NUP210: variants seen among roughly 807,000 people sequenced by gnomAD.
The protein encoded by NUP210 is nucleoporin 210, also known as nuclear pore membrane glycoprotein 210.
A neutral mutation model predicts 196.0 loss-of-function variants in NUP210; 151 were observed. The observed-to-expected ratio is 0.77, with a 90% CI of 0.67 to 0.88. The LOEUF is 0.88. Among genes scored for constraint, NUP210 ranks in the 40% least tolerant of loss-of-function variants. NUP210 has a pLI of 0.00. For synonymous variants in NUP210, 1,070 were observed against 1,052.7 expected (o/e 1.02, Z -0.32); for missense variants, 2,314 against 2,493.7 (o/e 0.93, Z 1.53).
Position 13,321,762 on chromosome 3 carries a change from T to A in NUP210, c.4989A>T (p.Thr1663=). 1 of 1,613,362 alleles carries A rather than the reference T, an allele frequency of 6.2e-7. No individual in the cohort carries two copies. Among genetic ancestry groups the A allele is most frequent in the Non-Finnish European group, 8.5e-7 (1 of 1,180,016 alleles). Residue 1663 remains threonine (T), a synonymous_variant, in exon 36 of 40, where the codon ACA becomes ACT. Transcript: ENST00000254508. ...KQRKHLSMKK[T]ALVVSASLSS... ...AGAGGGAGGCACTGACCACCAGAGCTGTCTTCTTCATGCTCAGGTGCTTCC... is the reference window on the plus strand; with the variant it reads ...AGAGGGAGGCACTGACCACCAGAGCAGTCTTCTTCATGCTCAGGTGCTTCC...
In NUP210 at chr3:13,325,855, C is replaced by G. The variant is rs1696729537; in HGVS notation, c.4584G>C (p.Arg1528=). 1 of 1,614,010 alleles carries G rather than the reference C, an allele frequency of 6.2e-7. No homozygotes were observed. The highest frequency in any genetic ancestry group is 1.3e-5 in the African/African-American group (1 of 75,074). Residue 1528 remains arginine, a synonymous_variant, in exon 33 of 40, where the codon CGG becomes CGC. Coordinates refer to ENST00000254508, the MANE Select transcript of NUP210 (RefSeq NM_024923.4). ...IDPKTGVAVA[R]AVGSVTVYYE... is the part of the protein sequence containing the mutation. ...AGTAAACCGTCACGGATCCCACGGCCCGGGCCACAGCCACACCCGTCTTGG... is the reference window on the plus strand; with the variant it reads ...AGTAAACCGTCACGGATCCCACGGCGCGGGCCACAGCCACACCCGTCTTGG...
intron 33 of NUP210, among the ~76,000 whole-genome samples, chr3:13,325,253 G>T (rs1342940467): frequency 1.3e-5 from 2 of 152,168 alleles, no homozygotes; most frequent in Non-Finnish European, 2.9e-5. Context: ...TCTGCAACTG[G>T]CTCGCCCAAA....
At chr3:13,409,176 T>C (rs1303341917) in intron 1 of NUP210, among the ~76,000 whole-genome samples, 1 of 152,210 alleles carries the variant, frequency 6.6e-6, no homozygotes, top group Non-Finnish European at 1.5e-5. Flanking sequence ...TCCACATACC[T>C]TCCAGTAACA....
chr3:13,350,452 CAAAACAAAACAAAACAAAACAAAACAA>C lies in NUP210; in HGVS notation c.2835+1400_2835+1426del, dbSNP rs1334000667. Among the ~76,000 whole-genome samples the C allele has an allele frequency of 2.1e-4, 28 of 130,704 alleles. No homozygotes were observed. The highest frequency in any genetic ancestry group is 3.5e-4 in the Non-Finnish European group (20 of 57,712). The allele number at this position is 130,704 out of a possible 152,430, so 85.7% of individuals were successfully genotyped here. A position where few individuals can be genotyped will look rare whatever the true frequency, so the allele number is the denominator to read the frequency against. ...TAGGACATGAAAAAACAAAACAAAA[CAAAACAAAACAAAACAAAACAAAACAA>C]AAAACAAAACAAAACAGGAAAACAT... On this transcript the variant is annotated intron_variant, in intron 20 of 39. Coordinates refer to ENST00000254508, the MANE Select transcript of NUP210 (RefSeq NM_024923.4). This position sits in a 1 kb window ranked among gnomAD's most constrained non-coding sequence, Gnocchi z 4.1.
rs1697508204 is a variant in NUP210, at chr3:13,341,783, C to T, written c.3193G>A (p.Gly1065Arg). Residue 1065 changes from glycine (G) to arginine (R), a missense_variant, in exon 23 of 40, where the codon GGA becomes AGA. Transcript: ENST00000254508. ...TGTGGGGCTGAGTTGATTCTCTGTC[C>T]AGCTTTATTGGTCACACTTGCAGTT... ...SLTASVTNKAGQRINSAPQQI... is the reference protein window; with the variant it reads ...SLTASVTNKARQRINSAPQQI... 1 of 1,614,214 alleles carries T rather than the reference C, an allele frequency of 6.2e-7. No homozygotes were observed. The highest frequency in any genetic ancestry group is 1.1e-5 in the South Asian group (1 of 91,088).
intron 36 of NUP210, among the ~76,000 whole-genome samples, chr3:13,321,038 T>C (rs896804981): frequency 5.9e-5 from 9 of 152,240 alleles, no homozygotes; most frequent in Admixed American, 1.3e-4. Flanking sequence ...CTGCAGAACA[T>C]GCGATCACGC....
intron 4 of NUP210, among the ~76,000 whole-genome samples, chr3:13,390,006 CAG>C (rs1699434286): frequency 6.6e-6 from 1 of 152,174 alleles, no homozygotes; most frequent in African/African-American, 2.4e-5. Context: ...CCCAGGCTGA[CAG>C]AGACTAAGAG....
chr3:13,350,234 TCA>T lies in NUP210; in HGVS notation c.2835+1643_2835+1644del, dbSNP rs2124875601. On this transcript the variant is annotated intron_variant, in intron 20 of 39. Transcript: ENST00000254508. This position sits in a 1 kb window ranked among gnomAD's most constrained non-coding sequence, Gnocchi z 4.1. Reference sequence around the variant, plus strand: ...TAACACAGCCTGTGTGTGTGTGTGTTCAGCAAAATAACACAGCCTGTGTGTTT... The same window carrying T: ...TAACACAGCCTGTGTGTGTGTGTGTTGCAAAATAACACAGCCTGTGTGTTT... Among the ~76,000 whole-genome samples the T allele has an allele frequency of 7.4e-6, 1 of 134,980 alleles. No individual in the cohort carries two copies. The highest frequency in any genetic ancestry group is 3.3e-5 in the African/African-American group (1 of 30,404). 88.6% of individuals were successfully genotyped at this position (134,980 alleles called of 152,430 possible).
Position 13,327,275 on chromosome 3 carries a change from A to C in NUP210, c.4449T>G (p.Ser1483=). The C allele has an allele frequency of 6.2e-7, 1 of 1,613,492 alleles. No homozygotes were observed. The highest frequency in any genetic ancestry group is 8.5e-7 in the Non-Finnish European group (1 of 1,180,018). The change falls in exon 32 of 40, where the codon TCT becomes TCG. Residue 1483 remains serine, a synonymous_variant. Transcript: ENST00000254508. ...PVLQAISPEL[S]GAMVVGDVLC... is the part of the protein sequence containing the mutation. Reference sequence around the variant, plus strand: ...GCACGTCCCCCACCACCATGGCCCCAGACAGCTCTGGGGAGATGGCCTGTA... The same window carrying C: ...GCACGTCCCCCACCACCATGGCCCCCGACAGCTCTGGGGAGATGGCCTGTA...
Position 13,390,480 on chromosome 3 carries a change from C to A in NUP210, c.533+731G>T, listed in dbSNP as rs377730185. Among the ~76,000 whole-genome samples, 17 of 152,358 alleles carry A rather than the reference C, an allele frequency of 1.1e-4. 1 individual carries two copies. The South Asian group carries it at 2.3e-3, about 20-fold the overall frequency. ...CCGCGTGGCTCTGCTCCTGCCCTGTCCCACATGTGGCAGTGCAGTGAGCCA... is the reference window on the plus strand; with the variant it reads ...CCGCGTGGCTCTGCTCCTGCCCTGTACCACATGTGGCAGTGCAGTGAGCCA... On this transcript the variant is annotated intron_variant, in intron 4 of 39. Coordinates refer to ENST00000254508, the MANE Select transcript of NUP210 (RefSeq NM_024923.4).
At position 13,316,255 on chromosome 3, in the gene NUP210, T is replaced by G. The variant is rs1696268107; in HGVS notation, c.*1426A>C. The G allele has an allele frequency of 6.6e-6, 1 of 152,174 alleles. No individual in the cohort carries two copies. Among genetic ancestry groups the G allele is most frequent in the Non-Finnish European group, 1.5e-5 (1 of 68,026 alleles). 9.4% of individuals were successfully genotyped at this position (152,174 alleles called of 1,614,324 possible). ...CCCTCTTAAAAAATCACATAGAACT[T>G]TATTAAATAAACCAGTAGAAAGGCT... On this transcript the variant is annotated 3_prime_UTR_variant, in exon 40 of 40. Transcript: ENST00000254508.
At chr3:13,343,366 C>T in intron 20 of NUP210, 63 bp from the exon 21 acceptor site, 1 of 1,574,114 alleles carries the variant, frequency 6.4e-7, no homozygotes, top group Non-Finnish European at 8.6e-7. Flanking sequence ...GGGCCCCCCT[C>T]TGCTCAGGTT....
intron 11 of NUP210, among the ~76,000 whole-genome samples, chr3:13,374,276 C>T (rs554118602): frequency 1.4e-4 from 22 of 152,310 alleles, no homozygotes; most frequent in Admixed American, 9.1e-4. Context: ...TTCGCACCCA[C>T]GGTACACTCA....
chr3:13,414,239 C>T (rs567171162), intron 1 of NUP210, among the ~76,000 whole-genome samples: 2 of 152,396 alleles, frequency 1.3e-5, no homozygotes, highest in South Asian at 2.1e-4. Context: ...CAGCCCCTAA[C>T]GGTGCCCAAA....
At position 13,353,585 on chromosome 3, in the gene NUP210, G is replaced by A. The variant is rs780488850; in HGVS notation, c.2597C>T (p.Ser866Phe). The A allele has an allele frequency of 3.1e-6, 5 of 1,614,104 alleles. No homozygotes were observed. Among genetic ancestry groups the A allele is most frequent in the Middle Eastern group, 1.6e-4 (1 of 6,062 alleles). Residue 866 changes from serine to phenylalanine, a missense_variant, in exon 18 of 40, where the codon TCC (serine) becomes TTC (phenylalanine). Coordinates refer to ENST00000254508, the MANE Select transcript of NUP210 (RefSeq NM_024923.4). ...ITATATGYQESHLSSARTKQP... is the reference protein window; with the variant it reads ...ITATATGYQEFHLSSARTKQP... ...CTTTGTTCTGGCAGAGCTGAGGTGG[G>A]ACTCCTGGTAGCCAGTGGCAGTGGC...
chr3:13,401,820 T>C (rs1699848452), intron 1 of NUP210, among the ~76,000 whole-genome samples: 2 of 152,044 alleles, frequency 1.3e-5, no homozygotes, highest in South Asian at 4.1e-4. Context: ...TCCTGGGTCC[T>C]AGATTCGATC....
chr3:13,414,708 A>G (rs1372914311), intron 1 of NUP210, among the ~76,000 whole-genome samples: 1 of 150,126 alleles, frequency 6.7e-6, no homozygotes, highest in East Asian at 2.0e-4. Flanking sequence ...ACTCAACCCC[A>G]CTCCACTCCT....
rs201064236 is a variant in NUP210 at position 13,327,235 on chromosome 3, C to G, written c.4489G>C (p.Val1497Leu). 6.2e-6 allele frequency: 10 copies of G among 1,613,156 alleles called. No homozygotes were observed. The Admixed American group carries it at 1.2e-4, about 19-fold the overall frequency. The stretch of plus-strand genomic sequence containing the variant: ...ATCTTACCTTCCAGGCTGGTCAGAA[C>G]AGTGGCCAGACAGAGCACGTCCCCC... ...VVGDVLCLAT[V>L]LTSLEGLSGT... Residue 1497 changes from valine to leucine, a missense_variant, in exon 32 of 40, where the codon GTT becomes CTT. Coordinates refer to ENST00000254508, the MANE Select transcript of NUP210 (RefSeq NM_024923.4).
In NUP210 at chr3:13,327,271, C is replaced by A; in HGVS notation, c.4453G>T (p.Ala1485Ser). 1.2e-6 allele frequency: 2 copies of A among 1,613,490 alleles called. No homozygotes were observed. Among genetic ancestry groups the A allele is most frequent in the Non-Finnish European group, 1.7e-6 (2 of 1,180,018 alleles). The change falls in exon 32 of 40, where the codon GCC becomes TCC. Residue 1485 changes from alanine to serine, a missense_variant. Coordinates refer to ENST00000254508, the MANE Select transcript of NUP210 (RefSeq NM_024923.4). ...CAGAGCACGTCCCCCACCACCATGG[C>A]CCCAGACAGCTCTGGGGAGATGGCC... is the stretch of plus-strand genomic sequence containing the variant. ...LQAISPELSGAMVVGDVLCLA... is the reference protein window; with the variant it reads ...LQAISPELSGSMVVGDVLCLA...
Sources: gnomAD v4.1 joint callset for allele counts (sites outside exome capture counted in the v4.1 genomes callset) on GRCh38, gnomAD v4.1.1 for gene constraint, Gnocchi (gnomAD v3.1) non-coding constraint, MANE v1.5 for transcripts, NCBI Gene and HGNC (gene_info 2026-07-23, HGNC 2026-07-21) for gene names.